Variants in AASS observed in about 807,000 individuals in gnomAD.
AASS encodes the protein aminoadipate-semialdehyde synthase, also known as alpha-aminoadipic semialdehyde synthase, mitochondrial.
AASS carries 86 observed loss-of-function variants against 105.4 expected under a neutral mutation model. That is an observed-to-expected ratio of 0.82 (90% CI 0.69 to 0.98). The LOEUF is 0.98. AASS is among the 50% of genes least tolerant of loss of function. The probability of loss-of-function intolerance (pLI) is 0.00; values close to 1 mark genes in which losing one functional copy is unlikely to be tolerated. For synonymous variants in AASS, 381 were observed against 394.8 expected (o/e 0.96, Z 0.41); for missense variants, 1,048 against 1,143.2 (o/e 0.92, Z 1.20).
chr7:122,090,444 C>T (rs1171971416), intron 18 of AASS, among the ~76,000 whole-genome samples: 1 of 152,112 alleles, frequency 6.6e-6, no homozygotes, highest in Admixed American at 6.6e-5. Context: ...ATGAGTTATG[C>T]TCTATATCAC....
intron 11 of AASS, among the ~76,000 whole-genome samples, chr7:122,108,733 T>C (rs553206960): frequency 1.3e-5 from 2 of 151,944 alleles, no homozygotes; most frequent in Admixed American, 1.3e-4. Flanking sequence ...TCATGGAAAA[T>C]TGAAAGCTTT....
rs770642597 is a variant in AASS, at chr7:122,133,628, C to G, written c.99G>C (p.Val33=). Residue 33 remains valine (V), a synonymous_variant, in exon 2 of 24, where the codon GTG becomes GTC. Transcript: ENST00000417368. ...GCGGGGCCCTTCTCTCCCAGGCGTT[C>G]ACATCCTCCCTCCGGACGGCCAACA... The part of the protein sequence containing the change: ...KAVLAVRRED[V]NAWERRAPLA... 6.2e-7 allele frequency: 1 copy of G among 1,614,188 alleles called. No homozygotes were observed. Among genetic ancestry groups the G allele is most frequent in the South Asian group, 1.1e-5 (1 of 91,080 alleles).
At chr7:122,133,378 A>G in intron 2 of AASS, 139 bp downstream of exon 2, 1 of 974,644 alleles carries the variant, frequency 1.0e-6, no homozygotes, top group Non-Finnish European at 1.6e-6. Context: ...TGGAGTAAGC[A>G]TAGGGTGAAA....
At position 122,097,977 on chromosome 7, in the gene AASS, T is replaced by C. The variant is rs1794246660; in HGVS notation, c.1655+473A>G. On this transcript the variant is annotated intron_variant, in intron 15 of 23. Transcript: ENST00000417368. ...TAGTCAAATAAATAATAATGGTATA[T>C]TCACATAATGAAATACTATACAGCA... 2.6e-5 allele frequency among the ~76,000 whole-genome samples: 4 copies of C among 152,056 alleles called. 1 individual carries two copies. Among genetic ancestry groups the C allele is most frequent in the Admixed American group, 2.0e-4 (3 of 15,236 alleles).
At chr7:122,135,494 C>G (rs1449327535) in intron 1 of AASS, among the ~76,000 whole-genome samples, 2 of 152,148 alleles carry the variant, frequency 1.3e-5, no homozygotes, top group East Asian at 3.9e-4. Flanking sequence ...AACCAGTTTT[C>G]CAACTGCTAT....
At chr7:122,132,162 T>C (rs765397854) in intron 2 of AASS, among the ~76,000 whole-genome samples, 1 of 152,162 alleles carries the variant, frequency 6.6e-6, no homozygotes, top group Non-Finnish European at 1.5e-5. Context: ...AAACTCCTCA[T>C]AACAAGGCTT....
rs1792909330 is a variant in AASS at position 122,074,453 on chromosome 7, T to A, written c.*2036A>T. On this transcript the variant is annotated 3_prime_UTR_variant, in exon 24 of 24. Transcript: ENST00000417368. Reference sequence around the variant, plus strand: ...GGGTTGTATTTTTGCTTTCTTGATATTGTCCTTGGAAACACAAATGGTTTT... The same window carrying A: ...GGGTTGTATTTTTGCTTTCTTGATAATGTCCTTGGAAACACAAATGGTTTT... Among the ~76,000 whole-genome samples, 1 of 152,220 alleles carries A rather than the reference T, an allele frequency of 6.6e-6. No individual in the cohort carries two copies.
At chr7:122,121,080 C>A (rs1317405208) in intron 4 of AASS, among the ~76,000 whole-genome samples, 1 of 150,738 alleles carries the variant, frequency 6.6e-6, no homozygotes, top group Non-Finnish European at 1.5e-5. Context: ...TTTTTAATGC[C>A]CTTTTTCTTG....
chr7:122,097,280 A>C (rs1794202962), intron 15 of AASS, among the ~76,000 whole-genome samples: 1 of 151,996 alleles, frequency 6.6e-6, no homozygotes, highest in Non-Finnish European at 1.5e-5. Flanking sequence ...GGAACAGATA[A>C]CTTTCTTCTT....
At position 122,129,413 on chromosome 7, in the gene AASS, G is replaced by T. The variant is rs1172587608; in HGVS notation, c.335C>A (p.Thr112Lys). ...CATATTGGCCTCCTGAGCTTTTATT[G>T]TGTGGGAGAAAAATGCATAAGTCTT... is the stretch of plus-strand genomic sequence containing the variant. ...SRKTYAFFSH[T>K]IKAQEANMGL... Residue 112 changes from threonine (T) to lysine (K), a missense_variant, in exon 3 of 24, where the codon ACA becomes AAA. Coordinates refer to ENST00000417368, the MANE Select transcript of AASS (RefSeq NM_005763.4). 2 of 1,613,086 alleles carry T rather than the reference G, an allele frequency of 1.2e-6. No homozygotes were observed. The highest frequency in any genetic ancestry group is 8.5e-7 in the Non-Finnish European group (1 of 1,179,426).
At chr7:122,088,200 C>T (rs1052340161) in intron 18 of AASS, among the ~76,000 whole-genome samples, 5 of 152,126 alleles carry the variant, frequency 3.3e-5, no homozygotes, top group Non-Finnish European at 7.4e-5. Context: ...CTAGGTCCAA[C>T]TCTTTCACAC....
intron 2 of AASS, 78 bp from the exon 3 acceptor site, chr7:122,129,615 A>G: frequency 7.6e-7 from 1 of 1,307,948 alleles, no homozygotes; most frequent in South Asian, 1.2e-5. Flanking sequence ...TGTGTAGCAA[A>G]GGCACAACAA....
chr7:122,143,901 G>A (rs1265579605), intron 1 of AASS, among the ~76,000 whole-genome samples: 2 of 152,154 alleles, frequency 1.3e-5, no homozygotes, highest in Non-Finnish European at 2.9e-5. Context: ...TGCGCTGACC[G>A]CTCTCCCTCC....
At chr7:122,133,785 G>A (rs1228528987) in intron 1 of AASS, 44 bp from the exon 2 acceptor site, 5 of 1,543,704 alleles carry the variant, frequency 3.2e-6, no homozygotes, top group Non-Finnish European at 4.5e-6. Flanking sequence ...AGGCAGCAAG[G>A]CTGGCAGATC....
chr7:122,116,957 C>T lies in AASS; in HGVS notation c.688G>A (p.Gly230Arg). The change falls in exon 7 of 24, where the codon GGA becomes AGA. Residue 230 changes from glycine (G) to arginine (R), a missense_variant and splice_region_variant. Coordinates refer to ENST00000417368, the MANE Select transcript of AASS (RefSeq NM_005763.4). ...VFTGTGNVSK[G>R]AQAIFNELPC... ...AGCTCATTAAAGATTGCTTGGGCTCCCTACAAATAACACATGAGTAAAAAT... is the reference window on the plus strand; with the variant it reads ...AGCTCATTAAAGATTGCTTGGGCTCTCTACAAATAACACATGAGTAAAAAT... The T allele has an allele frequency of 1.9e-6, 3 of 1,613,358 alleles. No homozygotes were observed. The highest frequency in any genetic ancestry group is 2.5e-6 in the Non-Finnish European group (3 of 1,179,680).
At chr7:122,126,526 A>T (rs1795664286) in intron 3 of AASS, 67 bp from the exon 4 acceptor site, 1 of 1,266,716 alleles carries the variant, frequency 7.9e-7, no homozygotes, top group East Asian at 2.3e-5. Flanking sequence ...AAAGACATAT[A>T]TGAGCAAGTA....
chr7:122,109,736 A>T (rs1190856171), intron 11 of AASS, among the ~76,000 whole-genome samples: 1 of 151,976 alleles, frequency 6.6e-6, no homozygotes, highest in Non-Finnish European at 1.5e-5. Context: ...GCTTCATTAC[A>T]TTGACCTGGT....
chr7:122,088,434 G>A (rs983287329), intron 18 of AASS, among the ~76,000 whole-genome samples: 7 of 152,118 alleles, frequency 4.6e-5, no homozygotes, highest in African/African-American at 1.7e-4. Context: ...AACTGAGGCT[G>A]AGTCACCCAA....
intron 15 of AASS, among the ~76,000 whole-genome samples, chr7:122,095,547 T>G (rs1794110653): frequency 1.3e-5 from 2 of 151,208 alleles, no homozygotes; most frequent in African/African-American, 2.4e-5. Flanking sequence ...ACTTGTCAAA[T>G]TCATTCTGCA....
Sources: gnomAD v4.1 joint callset for allele counts (sites outside exome capture counted in the v4.1 genomes callset) on GRCh38, gnomAD v4.1.1 for gene constraint, MANE v1.5 for transcripts, NCBI Gene and HGNC (gene_info 2026-07-23, HGNC 2026-07-21) for gene names.